EIF3L: variants seen among roughly 807,000 people sequenced by gnomAD.
EIF3L encodes eIEF associated protein HSPC021.
In EIF3L, 32 loss-of-function variants were observed where a neutral mutation model predicts 74.6. That is an observed-to-expected ratio of 0.43 (90% CI 0.32 to 0.58). The LOEUF is 0.58. Among genes scored for constraint, EIF3L ranks in the 20% least tolerant of loss-of-function variants. The pLI, the probability that EIF3L is intolerant of heterozygous loss-of-function variation, is 0.06. For missense variants in EIF3L, 474 were observed against 707.8 expected (o/e 0.67, Z 3.75); for synonymous variants, 256 against 254.4 (o/e 1.01, Z -0.06).
intron 7 of EIF3L, 126 bp downstream of exon 7, chr22:37,863,471 G>A (rs1312470032): frequency 1.4e-6 from 1 of 732,362 alleles, no homozygotes; most frequent in Non-Finnish European, 2.2e-6. Context: ...ATACCCCATG[G>A]CAGTAGACTC....
intron 7 of EIF3L, among the ~76,000 whole-genome samples, chr22:37,867,654 CTCA>C (rs1926222031): frequency 1.5e-5 from 1 of 64,728 alleles, no homozygotes; most frequent in Non-Finnish European, 2.6e-5. Flanking sequence ...GAGATTCCGT[CTCA>C]AAAAAAAAAA....
intron 4 of EIF3L, among the ~76,000 whole-genome samples, chr22:37,857,051 T>C (rs1925554382): frequency 1.3e-5 from 2 of 151,482 alleles, no homozygotes; most frequent in Non-Finnish European, 2.9e-5. Flanking sequence ...TTGGGGAGTA[T>C]TGCCGTCTTA....
At chr22:37,878,417 T>TAA (rs34181613) in intron 11 of EIF3L, 177 of 143,120 alleles carry the variant, frequency 1.2e-3, no homozygotes, top group South Asian at 5.2e-3. Context: ...TTTTCTCTAT[T>TAA]AAAAAAAAAA....
intron 7 of EIF3L, among the ~76,000 whole-genome samples, chr22:37,865,904 T>G (rs1926124074): frequency 1.3e-5 from 2 of 152,206 alleles, no homozygotes; most frequent in African/African-American, 2.4e-5. Flanking sequence ...TTAGCCAGTG[T>G]TGTTGTTAAG....
rs368493468 is a variant in EIF3L at position 37,850,020 on chromosome 22, T to C, written c.39T>C (p.Ala13=). The part of the protein sequence containing the change: ...YPADDYESEA[A]YDPYAYPSDY... Reference sequence around the variant, plus strand: ...CTGTGTCTCTTTCCTTCTAGGCGGCTTATGACCCCTACGCTTATCCCAGCG... The same window carrying C: ...CTGTGTCTCTTTCCTTCTAGGCGGCCTATGACCCCTACGCTTATCCCAGCG... The change falls in exon 2 of 13, where the codon GCT becomes GCC. Residue 13 remains alanine (A), a synonymous_variant. Coordinates refer to ENST00000652021, the MANE Select transcript of EIF3L (RefSeq NM_016091.4). 1.9e-5 allele frequency: 30 copies of C among 1,613,788 alleles called. No homozygotes were observed. The highest frequency in any genetic ancestry group is 2.5e-5 in the Non-Finnish European group (30 of 1,179,794).
intron 6 of EIF3L, 26 bp downstream of exon 6, chr22:37,863,064 G>A (rs577341407): frequency 5.9e-5 from 94 of 1,598,386 alleles, no homozygotes; most frequent in Middle Eastern, 5.0e-4. Flanking sequence ...GGCCAAGAGG[G>A]TGTGTGTGGT....
intron 4 of EIF3L, among the ~76,000 whole-genome samples, chr22:37,856,055 T>TTTA: frequency 6.6e-6 from 1 of 151,668 alleles, no homozygotes; most frequent in Non-Finnish European, 1.5e-5. Context: ...TTTATTTTAT[T>TTTA]TTATTATTAT....
chr22:37,888,297 A>G (rs1927426278), intron 12 of EIF3L, 129 bp from the exon 13 acceptor site: 4 of 855,406 alleles, frequency 4.7e-6, no homozygotes, highest in Non-Finnish European at 7.7e-6. Flanking sequence ...CATAGTGGAC[A>G]CCCACATCAG....
At chr22:37,863,750 T>G (rs559274126) in intron 7 of EIF3L, among the ~76,000 whole-genome samples, 1 of 152,032 alleles carries the variant, frequency 6.6e-6, no homozygotes, top group Admixed American at 6.6e-5. Context: ...ATGGAAATGT[T>G]CTATTATCTT....
chr22:37,860,948 C>T (rs2145809874), intron 5 of EIF3L, among the ~76,000 whole-genome samples: 1 of 152,278 alleles, frequency 6.6e-6, no homozygotes, highest in Middle Eastern at 3.4e-3. Flanking sequence ...AAACTTTCCC[C>T]CTCCCTCCCT....
intron 9 of EIF3L, among the ~76,000 whole-genome samples, 176 bp downstream of exon 9, chr22:37,874,700 A>C (rs947460629): frequency 1.3e-5 from 2 of 152,108 alleles, no homozygotes; most frequent in African/African-American, 4.8e-5. Flanking sequence ...GACCTGGACG[A>C]TTTTGGTAGT....
rs935992358 is a variant in EIF3L, at chr22:37,863,276, C to T, written c.510C>T (p.Ala170=). The change falls in exon 7 of 13, where the codon GCC becomes GCT. Residue 170 remains alanine (A), a synonymous_variant. Transcript: ENST00000652021. ...TTTCTGTGATCTCCTGCACAGATGC[C>T]GATGGTCCTGCTCCCCTTGAACTAC... ...YCNLFNYILN[A]DGPAPLELPN... is the part of the protein sequence containing the mutation. 9.3e-6 allele frequency: 15 copies of T among 1,612,964 alleles called. No individual in the cohort carries two copies. The highest frequency in any genetic ancestry group is 1.3e-5 in the African/African-American group (1 of 74,800).
At chr22:37,850,138 C>T in intron 2 of EIF3L, 75 bp downstream of exon 2, 3 of 1,559,030 alleles carry the variant, frequency 1.9e-6, no homozygotes, top group South Asian at 1.1e-5. Flanking sequence ...CCAGCTCTGA[C>T]AGGCATCAAA....
At chr22:37,851,524 G>A in intron 3 of EIF3L, 34 bp downstream of exon 3, 1 of 1,575,700 alleles carries the variant, frequency 6.3e-7, no homozygotes, top group East Asian at 2.3e-5. Context: ...CCTCTTTCTG[G>A]GTGGGACTGG....
chr22:37,864,737 C>G (rs187889989), intron 7 of EIF3L, among the ~76,000 whole-genome samples: 1 of 152,138 alleles, frequency 6.6e-6, no homozygotes, highest in Admixed American at 6.5e-5. Context: ...CGGGGTTTCT[C>G]CATGTTGACC....
Position 37,863,029 on chromosome 22 carries a change from T to A in EIF3L, c.496T>A (p.Tyr166Asn). 3 of 1,613,492 alleles carry A rather than the reference T, an allele frequency of 1.9e-6. No individual in the cohort carries two copies. The highest frequency in any genetic ancestry group is 2.5e-6 in the Non-Finnish European group (3 of 1,179,778). The part of the protein sequence containing the change: ...SYYNYCNLFN[Y>N]ILNADGPAPL... The stretch of plus-strand genomic sequence containing the variant: ...TTACAACTACTGCAATCTCTTCAAC[T>A]ACATTCTTAGTGAGTCTGAGATTTG... The change falls in exon 6 of 13, where the codon TAC becomes AAC. Residue 166 changes from tyrosine to asparagine, a missense_variant. By Grantham distance (143) the Tyr-to-Asn change is moderately radical (BLOSUM62 -2). Transcript: ENST00000652021.
chr22:37,873,682 C>G (rs553398184), intron 8 of EIF3L, among the ~76,000 whole-genome samples: 1 of 151,988 alleles, frequency 6.6e-6, no homozygotes, highest in South Asian at 2.1e-4. Flanking sequence ...CTCTCTGTTA[C>G]CCAGGCCAAA....
intron 5 of EIF3L, among the ~76,000 whole-genome samples, chr22:37,859,628 CGCCTTG>C (rs1464024176): frequency 2.0e-5 from 3 of 151,512 alleles, no homozygotes; most frequent in African/African-American, 7.3e-5. Context: ...GTGTTCCGCC[CGCCTTG>C]GCCTCCCAAA....
chr22:37,865,669 C>T (rs1476934438), intron 7 of EIF3L, among the ~76,000 whole-genome samples: 1 of 152,128 alleles, frequency 6.6e-6, no homozygotes, highest in African/African-American at 2.4e-5. Context: ...TCATAGTGCT[C>T]CTTGAGAAGG....
Sources: allele counts gnomAD v4.1 joint callset (sites outside exome capture counted in the v4.1 genomes callset), GRCh38; gene constraint gnomAD v4.1.1; transcripts MANE v1.5; gene names NCBI Gene and HGNC (gene_info 2026-07-23, HGNC 2026-07-21).